Variants in GRID2 observed in about 807,000 individuals in gnomAD.
GRID2 encodes the protein glutamate receptor ionotropic, delta-2.
GRID2 carries 33 observed loss-of-function variants against 114.8 expected under a neutral mutation model. The observed-to-expected ratio is 0.29, with a 90% CI of 0.22 to 0.38. The LOEUF (loss-of-function observed/expected upper bound fraction) is 0.38, where lower values mean the gene tolerates loss of function less well. Ranked by LOEUF, GRID2 falls within the 10% of genes least tolerant of loss-of-function variation. The probability of loss-of-function intolerance (pLI) is 1.00; values close to 1 mark genes in which losing one functional copy is unlikely to be tolerated. For missense variants in GRID2, 1,184 were observed against 1,257.7 expected, an observed-to-expected ratio of 0.94 and a Z score of 0.89; for synonymous variants, 505 against 449.9, an observed-to-expected ratio of 1.12 and a Z score of -1.55.
chr4:93,716,136 A>G (rs1728880239), intron 14 of GRID2, among the ~76,000 whole-genome samples: 1 of 152,114 alleles, frequency 6.6e-6, no homozygotes, highest in African/African-American at 2.4e-5. Context: ...CTTACCTGGA[A>G]CCATTTAAGT....
At chr4:93,670,887 C>T (rs1015992394) in intron 14 of GRID2, among the ~76,000 whole-genome samples, 4 of 152,172 alleles carry the variant, frequency 2.6e-5, no homozygotes, top group African/African-American at 7.2e-5. Flanking sequence ...CTGATTCTTT[C>T]GGGAAGACCA....
Position 93,363,017 on chromosome 4 carries a change from C to T in GRID2, c.1246-32590C>T, listed in dbSNP as rs144016826. 4.9e-3 allele frequency among the ~76,000 whole-genome samples: 750 copies of T among 152,172 alleles called. 2 individuals are homozygous for T. Among genetic ancestry groups the T allele is most frequent in the African/African-American group, 0.01 (430 of 41,524 alleles). On this transcript the variant is annotated intron_variant, in intron 8 of 15. Coordinates refer to ENST00000282020, the MANE Select transcript of GRID2 (RefSeq NM_001510.4). ...GGTTGATTGTTTGAGGCCAGGAGTT[C>T]GGGATCAGCCTGGCCAACATGGTGA...
At chr4:93,656,490 ATAAAG>A (rs1046557700) in intron 14 of GRID2, among the ~76,000 whole-genome samples, 8 of 152,208 alleles carry the variant, frequency 5.3e-5, no homozygotes, top group African/African-American at 1.9e-4. Flanking sequence ...CTGTTACTAA[ATAAAG>A]TAAATTTAGC....
At chr4:93,606,096 A>G (rs1185661977) in intron 13 of GRID2, among the ~76,000 whole-genome samples, 1 of 151,964 alleles carries the variant, frequency 6.6e-6, no homozygotes. Flanking sequence ...GTGATACCCC[A>G]TCTCTACTAA....
intron 13 of GRID2, among the ~76,000 whole-genome samples, chr4:93,555,328 C>T (rs895369274): frequency 1.3e-5 from 2 of 152,190 alleles, no homozygotes; most frequent in Admixed American, 6.5e-5. Context: ...GATCCCACTC[C>T]CATGGAGCCC....
chr4:92,619,787 T>C (rs527932052), intron 2 of GRID2, among the ~76,000 whole-genome samples: 10 of 151,924 alleles, frequency 6.6e-5, no homozygotes, highest in African/African-American at 2.4e-4. Context: ...TTTTTGTTTG[T>C]TTTTAGAATC....
chr4:92,646,065 G>C (rs1731602536), intron 2 of GRID2, among the ~76,000 whole-genome samples: 1 of 151,684 alleles, frequency 6.6e-6, no homozygotes, highest in African/African-American at 2.4e-5. Flanking sequence ...TACCGGCTTC[G>C]TAGGAGAGTT....
At chr4:92,705,348 G>A (rs755731882) in intron 2 of GRID2, among the ~76,000 whole-genome samples, 4 of 151,886 alleles carry the variant, frequency 2.6e-5, no homozygotes, top group African/African-American at 4.8e-5. Flanking sequence ...TTATTCTTTC[G>A]ACATTTATTT....
rs140203263 is a variant in GRID2, at chr4:93,769,601, G to A, written c.2601+151G>A. On this transcript the variant is annotated intron_variant, in intron 15 of 15. Transcript: ENST00000282020. Reference sequence around the variant, plus strand: ...AATAAAGTTGTGAAATATAAAAATTGGTAAGATCAATATCAATTTCCATTT... The same window carrying A: ...AATAAAGTTGTGAAATATAAAAATTAGTAAGATCAATATCAATTTCCATTT... 575 of 693,696 alleles carry A rather than the reference G, an allele frequency of 8.3e-4. 3 individuals are homozygous for A. The highest frequency in any genetic ancestry group is 1.6e-3 in the Middle Eastern group (4 of 2,460). The allele number at this position is 693,696 out of a possible 1,614,324, so 43.0% of individuals were successfully genotyped here.
intron 13 of GRID2, among the ~76,000 whole-genome samples, chr4:93,515,931 T>C (rs1729676635): frequency 6.6e-6 from 1 of 152,190 alleles, no homozygotes; most frequent in Non-Finnish European, 1.5e-5. Flanking sequence ...TTACTTTTTC[T>C]ATAACTATCT....
chr4:93,206,817 C>A (rs1197495238), intron 4 of GRID2, among the ~76,000 whole-genome samples: 1 of 152,050 alleles, frequency 6.6e-6, no homozygotes, highest in African/African-American at 2.4e-5. Context: ...TGCTTTAATG[C>A]TAGTATGTTG....
At chr4:92,985,191 T>A (rs1285385162) in intron 2 of GRID2, among the ~76,000 whole-genome samples, 1 of 151,958 alleles carries the variant, frequency 6.6e-6, no homozygotes, top group Non-Finnish European at 1.5e-5. Flanking sequence ...TTTATTTTTA[T>A]AATTTCTTAT....
rs529621750 is a variant in GRID2 at position 93,412,008 on chromosome 4, T to C, written c.1348-10763T>C. On this transcript the variant is annotated intron_variant, in intron 9 of 15. Coordinates refer to ENST00000282020, the MANE Select transcript of GRID2 (RefSeq NM_001510.4). ...AACTTCAAAATGCTATTCTTGGTTT[T>C]TTAAAAAATGACCTATAGTCCAACT... is the stretch of plus-strand genomic sequence containing the variant. Among the ~76,000 whole-genome samples the C allele has an allele frequency of 7.2e-5, 11 of 152,128 alleles. No homozygotes were observed. In the South Asian group the frequency reaches 2.3e-3, roughly 32 times the overall value.
chr4:93,778,486 T>C (rs1178930867), downstream of GRID2, among the ~76,000 whole-genome samples: 1 of 142,430 alleles, frequency 7.0e-6, no homozygotes, highest in Non-Finnish European at 1.5e-5. Context: ...AACCTTTGCC[T>C]CCTAGGCTCA....
chr4:92,774,561 C>T (rs1487145252), intron 2 of GRID2, among the ~76,000 whole-genome samples: 1 of 149,460 alleles, frequency 6.7e-6, no homozygotes, highest in Non-Finnish European at 1.5e-5. Context: ...CTAATTTCTT[C>T]CAGAATTTTT....
chr4:92,635,847 G>GT (rs1395927619), intron 2 of GRID2, among the ~76,000 whole-genome samples: 7 of 152,018 alleles, frequency 4.6e-5, no homozygotes, highest in Non-Finnish European at 7.4e-5. Context: ...ATTGCATCTG[G>GT]TTTTGTCATG....
chr4:93,780,303 T>C (rs1361727199), intron 1 of GRID2, among the ~76,000 whole-genome samples: 1 of 152,140 alleles, frequency 6.6e-6, no homozygotes, highest in Non-Finnish European at 1.5e-5. Context: ...TTCCAGTCTT[T>C]GGGAACAGCC....
At chr4:93,222,944 C>A (rs1394218112) in intron 6 of GRID2, among the ~76,000 whole-genome samples, 1 of 152,112 alleles carries the variant, frequency 6.6e-6, no homozygotes, top group Admixed American at 6.6e-5. Flanking sequence ...CCCCAACAAT[C>A]TTAAATACAC....
In GRID2 at chr4:93,158,595, C is replaced by T. The variant is rs945740710; in HGVS notation, c.735+47642C>T. Among the ~76,000 whole-genome samples, 5 of 151,670 alleles carry T rather than the reference C, an allele frequency of 3.3e-5. No homozygotes were observed. In the Admixed American group the frequency reaches 3.3e-4, roughly 10 times the overall value. ...TTTTTTTTGTAATTCTGAACTTCTA[C>T]TCCTTTGTTAAATAAATGATTTTAA... On this transcript the variant is annotated intron_variant, in intron 4 of 15. Transcript: ENST00000282020.
Sources: allele counts gnomAD v4.1 joint callset (sites outside exome capture counted in the v4.1 genomes callset), GRCh38; gene constraint gnomAD v4.1.1; transcripts MANE v1.5; gene names NCBI Gene and HGNC (gene_info 2026-07-23, HGNC 2026-07-21).